Variants in CACHD1 observed in about 807,000 individuals in gnomAD.
CACHD1 encodes the protein cache domain containing 1, also known as VWFA and cache domain-containing protein 1.
CACHD1 carries 71 observed loss-of-function variants against 138.7 expected under a neutral mutation model. That is an observed-to-expected ratio of 0.51 (90% CI 0.42 to 0.62). CACHD1 has a LOEUF of 0.62. Among genes scored for constraint, CACHD1 ranks in the 20% least tolerant of loss-of-function variants. CACHD1 has a pLI of 0.00. For missense variants in CACHD1, 1,389 were observed against 1,625.3 expected (o/e 0.85, Z 2.50); for synonymous variants, 578 against 591.5 (o/e 0.98, Z 0.33).
At chr1:64,504,264 A>T (rs1280796855) in intron 1 of CACHD1, among the ~76,000 whole-genome samples, 3 of 152,204 alleles carry the variant, frequency 2.0e-5, no homozygotes, top group Non-Finnish European at 4.4e-5. Flanking sequence ...CCTAAGCTCA[A>T]ACCATCCCAC....
chr1:64,677,644 C>T (rs1650040597), intron 22 of CACHD1, among the ~76,000 whole-genome samples: 1 of 152,114 alleles, frequency 6.6e-6, no homozygotes, highest in Non-Finnish European at 1.5e-5. Context: ...ATACAGTAGC[C>T]CCAAGTCAAT....
At chr1:64,473,609 A>G (rs1646158376) in intron 1 of CACHD1, among the ~76,000 whole-genome samples, 1 of 152,168 alleles carries the variant, frequency 6.6e-6, no homozygotes, top group African/African-American at 2.4e-5. Context: ...CTCTTTGGAA[A>G]AGAATGTCTT....
chr1:64,684,363 C>CTTTTTTTTTTTTT (rs397980387), intron 26 of CACHD1, among the ~76,000 whole-genome samples: 7 of 54,948 alleles, frequency 1.3e-4, no homozygotes, highest in African/African-American at 2.3e-4. Flanking sequence ...TCTTCTTCTT[C>CTTTTTTTTTTTTT]TTTTTTTTTT....
intron 1 of CACHD1, among the ~76,000 whole-genome samples, chr1:64,537,578 A>AT (rs1646643437): frequency 6.6e-6 from 1 of 152,154 alleles, no homozygotes; most frequent in Admixed American, 6.6e-5. Flanking sequence ...TACCACAGCC[A>AT]TTTCCTGAAA....
intron 4 of CACHD1, among the ~76,000 whole-genome samples, chr1:64,609,167 T>C (rs1647441948): frequency 6.6e-6 from 1 of 152,184 alleles, no homozygotes; most frequent in Non-Finnish European, 1.5e-5. Context: ...CTATGTACTA[T>C]GTGCTATAGG....
chr1:64,581,009 A>C (rs575147523), intron 2 of CACHD1, among the ~76,000 whole-genome samples: 61 of 152,344 alleles, frequency 4.0e-4, no homozygotes, highest in African/African-American at 1.4e-3. Flanking sequence ...TGAAAATGAT[A>C]AAATGAATTT....
chr1:64,670,406 G>C (rs1250628655), intron 16 of CACHD1, among the ~76,000 whole-genome samples: 1 of 152,162 alleles, frequency 6.6e-6, no homozygotes, highest in African/African-American at 2.4e-5. Context: ...AAATAATTAA[G>C]GTTTTTGTGA....
intron 1 of CACHD1, among the ~76,000 whole-genome samples, chr1:64,533,798 G>T (rs1195647295): frequency 7.5e-5 from 11 of 146,262 alleles, no homozygotes; most frequent in African/African-American, 2.5e-4. Flanking sequence ...TGTTGTCCAG[G>T]CTGGAGTGCA....
intron 1 of CACHD1, among the ~76,000 whole-genome samples, chr1:64,548,535 C>T (rs1324199838): frequency 1.3e-5 from 2 of 152,070 alleles, no homozygotes; most frequent in African/African-American, 4.8e-5. Context: ...AGATGTCCCC[C>T]AAAGATCTGG....
chr1:64,600,261 A>G (rs1647199506), intron 3 of CACHD1, among the ~76,000 whole-genome samples: 2 of 152,170 alleles, frequency 1.3e-5, no homozygotes, highest in South Asian at 2.1e-4. Context: ...GCAGAAAGCC[A>G]TTACTTTGCT....
At chr1:64,471,006 T>G in intron 1 of CACHD1, 64 bp downstream of exon 1, 1 of 1,475,792 alleles carries the variant, frequency 6.8e-7, no homozygotes. Flanking sequence ...CCCATCCCAC[T>G]CCCGGTACAA....
chr1:64,630,300 ATT>A (rs559475497), intron 5 of CACHD1, among the ~76,000 whole-genome samples: 6 of 140,514 alleles, frequency 4.3e-5, no homozygotes, highest in East Asian at 2.1e-4. Context: ...TTTTCCTAAG[ATT>A]TTTTTTTTTT....
chr1:64,680,486 T>C (rs1220824184), intron 24 of CACHD1, among the ~76,000 whole-genome samples: 2 of 149,438 alleles, frequency 1.3e-5, no homozygotes, highest in Non-Finnish European at 3.0e-5. Flanking sequence ...AGACTCCATC[T>C]GAAAAAAAAA....
intron 9 of CACHD1, 95 bp from the exon 10 acceptor site, chr1:64,652,066 G>C: frequency 9.0e-7 from 1 of 1,116,856 alleles, no homozygotes; most frequent in Non-Finnish European, 1.3e-6. Context: ...TGAGACAGCT[G>C]ATAGAAGCCT....
At position 64,514,159 on chromosome 1, in the gene CACHD1, C is replaced by T. The variant is rs564044263; in HGVS notation, c.199-36435C>T. Among the ~76,000 whole-genome samples, 69 of 152,252 alleles carry T rather than the reference C, an allele frequency of 4.5e-4. 1 individual carries two copies. The South Asian group carries it at 4.8e-3, about 11-fold the overall frequency. On this transcript the variant is annotated intron_variant, in intron 1 of 26. Transcript: ENST00000651257. ...GATAAAGTTTAGATCTGAAGTGTTG[C>T]TCTAAGTAAAATAACGTTTTGGAAA...
chr1:64,505,577 G>A (rs1176045134), intron 1 of CACHD1, among the ~76,000 whole-genome samples: 2 of 21,854 alleles, frequency 9.2e-5, no homozygotes, highest in African/African-American at 4.0e-4. Flanking sequence ...GGCACACCCC[G>A]CCCCGCCGCC....
At chr1:64,683,266 C>T (rs12757683) in intron 26 of CACHD1, among the ~76,000 whole-genome samples, 9,153 of 152,222 alleles carry the variant, frequency 0.06, 388 homozygotes, top group South Asian at 0.11. Context: ...TGGAGAACCA[C>T]AGCAGAACTT....
intron 9 of CACHD1, among the ~76,000 whole-genome samples, chr1:64,649,923 T>G (rs1177468330): frequency 6.6e-6 from 1 of 152,210 alleles, no homozygotes. Flanking sequence ...TTTCAGTCCC[T>G]AGAATTATTG....
chr1:64,528,380 G>T (rs985315129), intron 1 of CACHD1, among the ~76,000 whole-genome samples: 1 of 152,154 alleles, frequency 6.6e-6, no homozygotes, highest in Non-Finnish European at 1.5e-5. Flanking sequence ...AGAAAACCTT[G>T]CAGTGGCATA....
Sources: allele counts gnomAD v4.1 joint callset (sites outside exome capture counted in the v4.1 genomes callset), GRCh38; gene constraint gnomAD v4.1.1; transcripts MANE v1.5; gene names NCBI Gene and HGNC (gene_info 2026-07-23, HGNC 2026-07-21).